MINDY3: variants seen among roughly 807,000 people sequenced by gnomAD.
The protein encoded by MINDY3 is MINDY lysine 48 deubiquitinase 3.
Under a neutral mutation model 69.2 loss-of-function variants are expected in MINDY3, and 38 were observed. That is an observed-to-expected ratio of 0.55 (90% CI 0.42 to 0.72). The LOEUF is 0.72. Among genes scored for constraint, MINDY3 ranks in the 30% least tolerant of loss-of-function variants. The probability of loss-of-function intolerance (pLI) is 0.00; values close to 1 mark genes in which losing one functional copy is unlikely to be tolerated. For missense variants in MINDY3, 522 were observed against 519.0 expected (o/e 1.01, Z -0.06); for synonymous variants, 192 against 180.1 (o/e 1.07, Z -0.53).
intron 10 of MINDY3, among the ~76,000 whole-genome samples, chr10:15,807,233 A>G (rs906180481): frequency 7.9e-5 from 12 of 152,156 alleles, no homozygotes; most frequent in Admixed American, 7.9e-4. Context: ...TTACGTTCCA[A>G]CAGTACTTAC....
chr10:15,848,762 CG>C (rs1297918957), intron 1 of MINDY3, among the ~76,000 whole-genome samples: 2 of 151,428 alleles, frequency 1.3e-5, no homozygotes, highest in East Asian at 1.9e-4. Context: ...TAGCAGCTAG[CG>C]GAAGTTCTTC....
At chr10:15,784,114 C>A (rs1588500375) in intron 13 of MINDY3, among the ~76,000 whole-genome samples, 1 of 152,090 alleles carries the variant, frequency 6.6e-6, no homozygotes, top group African/African-American at 2.4e-5. Context: ...AGTGTATGAC[C>A]TTCAACAATC....
At chr10:15,782,068 A>G (rs1343315880) in intron 14 of MINDY3, 87 bp downstream of exon 14, 68 of 928,776 alleles carry the variant, frequency 7.3e-5, no homozygotes, top group Non-Finnish European at 1.1e-4. Context: ...TTAGGTAGCA[A>G]TTGTACGGGA....
At chr10:15,840,337 T>C (rs1372352162) in intron 4 of MINDY3, among the ~76,000 whole-genome samples, 1 of 151,744 alleles carries the variant, frequency 6.6e-6, no homozygotes. Flanking sequence ...TGAAAGGCCA[T>C]ATTTCAAAGG....
At chr10:15,838,961 C>T (rs1833279395) in intron 4 of MINDY3, among the ~76,000 whole-genome samples, 2 of 151,622 alleles carry the variant, frequency 1.3e-5, no homozygotes, top group Non-Finnish European at 3.0e-5. Context: ...CTCTTAGCTC[C>T]ATTTTACAGA....
At chr10:15,837,486 C>A in intron 5 of MINDY3, 168 bp from the exon 6 acceptor site, 1 of 1,401,964 alleles carries the variant, frequency 7.1e-7, no homozygotes, top group Non-Finnish European at 9.6e-7. Context: ...AAACCAAAAG[C>A]TATTTCTGAC....
intron 1 of MINDY3, 27 bp downstream of exon 1, chr10:15,860,179 G>A (rs1362787671): frequency 6.5e-7 from 1 of 1,546,872 alleles, no homozygotes; most frequent in Non-Finnish European, 8.8e-7. Flanking sequence ...AGCAGCGGCT[G>A]CAAGTGTGAG....
At chr10:15,809,066 TG>T (rs1220956296) in intron 10 of MINDY3, among the ~76,000 whole-genome samples, 1 of 152,150 alleles carries the variant, frequency 6.6e-6, no homozygotes, top group East Asian at 1.9e-4. Context: ...GAATTTGCAT[TG>T]AAAATTAATT....
intron 11 of MINDY3, among the ~76,000 whole-genome samples, chr10:15,792,275 T>C (rs1240709511): frequency 2.0e-5 from 3 of 152,090 alleles, no homozygotes; most frequent in Non-Finnish European, 4.4e-5. Context: ...CAATGAGTTC[T>C]GGAGGGCAGG....
At chr10:15,798,796 A>G (rs1171008720) in intron 10 of MINDY3, among the ~76,000 whole-genome samples, 1 of 151,672 alleles carries the variant, frequency 6.6e-6, no homozygotes. Context: ...AAACAAACAA[A>G]CAAAAAACCA....
Position 15,821,737 on chromosome 10 carries a change from C to T in MINDY3, c.731-11G>A. ...GTATACCAAGAAGTTCTGCAAAAAACAACAACAACAACAAAAAACGAAAAC... is the reference window on the plus strand; with the variant it reads ...GTATACCAAGAAGTTCTGCAAAAAATAACAACAACAACAAAAAACGAAAAC... On this transcript the variant is annotated splice_polypyrimidine_tract_variant and intron_variant, in intron 8 of 14. Transcript: ENST00000277632. 1 of 1,558,716 alleles carries T rather than the reference C, an allele frequency of 6.4e-7. No homozygotes were observed. The highest frequency in any genetic ancestry group is 1.8e-5 in the Admixed American group (1 of 55,506).
chr10:15,845,777 G>C (rs553313855), intron 2 of MINDY3, among the ~76,000 whole-genome samples: 2,011 of 148,354 alleles, frequency 0.014, 42 homozygotes, highest in African/African-American at 0.045. Context: ...AAAGTGCTGG[G>C]CTTACAGGTG....
intron 11 of MINDY3, among the ~76,000 whole-genome samples, chr10:15,794,892 A>G (rs1033515653): frequency 3.9e-5 from 6 of 152,084 alleles, no homozygotes; most frequent in Admixed American, 6.6e-5. Flanking sequence ...TAGGGCTCCT[A>G]TGTCTGCTCT....
chr10:15,851,642 G>A (rs1482343612), intron 1 of MINDY3, among the ~76,000 whole-genome samples: 1 of 151,856 alleles, frequency 6.6e-6, no homozygotes, highest in Non-Finnish European at 1.5e-5. Flanking sequence ...CCACCCTATA[G>A]TTCAAACCGC....
chr10:15,806,405 G>C (rs1838643656), intron 10 of MINDY3, among the ~76,000 whole-genome samples: 1 of 152,116 alleles, frequency 6.6e-6, no homozygotes, highest in African/African-American at 2.4e-5. Context: ...AATCTTGGGA[G>C]GCTTGGATTA....
At chr10:15,790,884 T>G (rs1453433891) in intron 11 of MINDY3, among the ~76,000 whole-genome samples, 1 of 152,138 alleles carries the variant, frequency 6.6e-6, no homozygotes, top group East Asian at 1.9e-4. Flanking sequence ...TGACAGCATG[T>G]ACTTTGTCAT....
chr10:15,837,487 T>C, intron 5 of MINDY3, 169 bp from the exon 6 acceptor site: 2 of 1,407,450 alleles, frequency 1.4e-6, no homozygotes, highest in Non-Finnish European at 1.9e-6. Flanking sequence ...AACCAAAAGC[T>C]ATTTCTGACA....
chr10:15,785,406 A>C (rs969806112), intron 13 of MINDY3, among the ~76,000 whole-genome samples: 1 of 152,166 alleles, frequency 6.6e-6, no homozygotes, highest in African/African-American at 2.4e-5. Context: ...TCCCCAAATT[A>C]AATTAAAAAC....
At chr10:15,821,614 T>C (rs755253586) in intron 9 of MINDY3, 42 bp downstream of exon 9, 23 of 1,489,354 alleles carry the variant, frequency 1.5e-5, no homozygotes, top group Non-Finnish European at 2.1e-5. Flanking sequence ...ATAGTGGACA[T>C]CTAAACAAAA....
Sources: gnomAD v4.1 joint callset for allele counts (sites outside exome capture counted in the v4.1 genomes callset) on GRCh38, gnomAD v4.1.1 for gene constraint, MANE v1.5 for transcripts, NCBI Gene and HGNC (gene_info 2026-07-23, HGNC 2026-07-21) for gene names.